DUSP14: variants seen among roughly 807,000 people sequenced by gnomAD.
The protein encoded by DUSP14 is dual specificity phosphatase 14.
In DUSP14, 5 loss-of-function variants were observed where a neutral mutation model predicts 13.2. That is an observed-to-expected ratio of 0.38 (90% CI 0.20 to 0.80). The LOEUF is 0.80. Among genes scored for constraint, DUSP14 ranks in the 30% least tolerant of loss-of-function variants. The pLI is 0.44. For missense variants in DUSP14, 185 were observed against 264.0 expected, an observed-to-expected ratio of 0.70 and a Z score of 2.07; for synonymous variants, 91 against 103.4, an observed-to-expected ratio of 0.88 and a Z score of 0.73.
At chr17:37,489,318 C>T (rs1228871962), upstream of DUSP14, among the ~76,000 whole-genome samples, 6 of 152,056 alleles carry the variant, frequency 3.9e-5, no homozygotes, top group Admixed American at 3.9e-4. Context: ...TGCATGTTCA[C>T]CTCCGGGTCT....
At chr17:37,498,690 T>TA (rs2054084141) in intron 1 of DUSP14, among the ~76,000 whole-genome samples, 1 of 151,582 alleles carries the variant, frequency 6.6e-6, no homozygotes, top group Non-Finnish European at 1.5e-5. Flanking sequence ...TTTTTTTTTT[T>TA]ACAAAAATTA....
In DUSP14 at chr17:37,509,139, A is replaced by ATATATATG. The variant is rs1568204473; in HGVS notation, c.-180-1538_-180-1537insTATATATG. Among the ~76,000 whole-genome samples, 31 of 63,048 alleles carry ATATATATG rather than the reference A, an allele frequency of 4.9e-4. 2 individuals carry two copies. The highest frequency in any genetic ancestry group is 4.2e-3 in the South Asian group (8 of 1,890). The allele number at this position is 63,048 out of a possible 152,430, so 41.4% of individuals were successfully genotyped here. On this transcript the variant is annotated intron_variant, in intron 1 of 2. Transcript: ENST00000617516. ...TATATATATATATATACACACACAC[A>ATATATATG]CACACACACACACACACACACACAC...
chr17:37,489,786 GT>G (rs1486286925), upstream of DUSP14: 5 of 146,086 alleles, frequency 3.4e-5, no homozygotes, highest in African/African-American at 7.4e-5. Context: ...CCCGCGTCGC[GT>G]CCCCCCACCT....
In DUSP14 at chr17:37,512,468, T is replaced by A; in HGVS notation, c.196T>A (p.Phe66Ile). 6.2e-7 allele frequency: 1 copy of A among 1,614,130 alleles called. No homozygotes were observed. The highest frequency in any genetic ancestry group is 1.1e-5 in the South Asian group (1 of 91,070). ...TAATGCTACCATTGAGATCCCTAAT[T>A]TCAACTGGCCCCAATTTGAGTATGT... is the stretch of plus-strand genomic sequence containing the variant. ...IVNATIEIPNFNWPQFEYVKV... is the reference protein window; with the variant it reads ...IVNATIEIPNINWPQFEYVKV... Residue 66 changes from phenylalanine (F) to isoleucine (I), a missense_variant, in exon 3 of 3, where the codon TTC becomes ATC. Phe to Ile is a conservative substitution (Grantham distance 21, BLOSUM62 0). Coordinates refer to ENST00000617516, the MANE Select transcript of DUSP14 (RefSeq NM_007026.4). This position sits in a 1 kb window ranked among gnomAD's most constrained non-coding sequence, Gnocchi z 4.8.
intron 1 of DUSP14, among the ~76,000 whole-genome samples, chr17:37,490,185 C>CG (rs2042301196): frequency 1.3e-5 from 2 of 150,496 alleles, no homozygotes; most frequent in African/African-American, 4.9e-5. Context: ...AGCGCACCCT[C>CG]GCCGGCCCTG....
At chr17:37,497,753 A>G (rs1457389108) in intron 1 of DUSP14, among the ~76,000 whole-genome samples, 1 of 151,558 alleles carries the variant, frequency 6.6e-6, no homozygotes, top group Non-Finnish European at 1.5e-5. Flanking sequence ...AAAAAAAAAA[A>G]AAAAGACAAG....
chr17:37,501,078 A>G (rs756690846), intron 1 of DUSP14, among the ~76,000 whole-genome samples: 7 of 152,116 alleles, frequency 4.6e-5, no homozygotes, highest in East Asian at 1.9e-4. Flanking sequence ...CTAATTTTCA[A>G]TGTAGAGTCT....
At chr17:37,500,067 G>A (rs1240533434) in intron 1 of DUSP14, among the ~76,000 whole-genome samples, 1 of 152,224 alleles carries the variant, frequency 6.6e-6, no homozygotes, top group Non-Finnish European at 1.5e-5. Flanking sequence ...AGCGGGCATG[G>A]CCTTCGCCAG....
chr17:37,507,774 C>G (rs185287843), intron 1 of DUSP14, among the ~76,000 whole-genome samples: 1 of 152,246 alleles, frequency 6.6e-6, no homozygotes, highest in East Asian at 1.9e-4. Flanking sequence ...ACTAGATAAC[C>G]TACTTGGAAA....
At chr17:37,490,260 C>T (rs551378423) in intron 1 of DUSP14, among the ~76,000 whole-genome samples, 44 of 152,122 alleles carry the variant, frequency 2.9e-4, no homozygotes, top group African/African-American at 1.0e-3. Context: ...CCCTGTGCCC[C>T]GGGGCTCCAG....
upstream of DUSP14, among the ~76,000 whole-genome samples, chr17:37,488,816 T>C (rs1447376959): frequency 1.3e-5 from 2 of 152,188 alleles, no homozygotes; most frequent in Admixed American, 6.5e-5. Flanking sequence ...AAGCTTTTGG[T>C]TGAGGACATC....
At chr17:37,499,551 C>T (rs1002282292) in intron 1 of DUSP14, among the ~76,000 whole-genome samples, 3 of 151,646 alleles carry the variant, frequency 2.0e-5, no homozygotes, top group Non-Finnish European at 4.4e-5. Flanking sequence ...TTTTTTGAGA[C>T]AGAGTTTCGC....
Position 37,509,243 on chromosome 17 carries a change from CTATATATATATATATATATATATATA to C in DUSP14, c.-180-1405_-180-1380del, listed in dbSNP as rs71135736. On this transcript the variant is annotated intron_variant, in intron 1 of 2. Transcript: ENST00000617516. ...ACTATATATACACACTATATACACACTATATATATATATATATATATATATATATATATATATATATATATATATAT... is the reference window on the plus strand; with the variant it reads ...ACTATATATACACACTATATACACACTATATATATATATATATATATATAT... Among the ~76,000 whole-genome samples, 74 of 44,744 alleles carry C rather than the reference CTATATATATATATATATATATATATA, an allele frequency of 1.7e-3. 1 individual carries two copies. Among genetic ancestry groups the C allele is most frequent in the Admixed American group, 3.2e-3 (10 of 3,120 alleles). The allele number at this position is 44,744 out of a possible 152,430, so 29.4% of individuals were successfully genotyped here.
intron 1 of DUSP14, among the ~76,000 whole-genome samples, chr17:37,498,548 G>C (rs191877679): frequency 2.0e-5 from 3 of 151,694 alleles, no homozygotes; most frequent in Admixed American, 2.0e-4. Flanking sequence ...GGATGGTCTC[G>C]ATCTCCTGAC....
rs1568204456 is a variant in DUSP14, at chr17:37,509,135, A to ATATATATATATATG, written c.-180-1542_-180-1541insTATATATATATATG. 6.9e-4 allele frequency among the ~76,000 whole-genome samples: 27 copies of ATATATATATATATG among 38,954 alleles called. 2 individuals are homozygous for ATATATATATATATG. In the South Asian group the frequency reaches 7.4e-3, roughly 11 times the overall value. 25.6% of individuals were successfully genotyped at this position (38,954 alleles called of 152,430 possible). On this transcript the variant is annotated intron_variant, in intron 1 of 2. Transcript: ENST00000617516. ...TATATATATATATATATATACACAC[A>ATATATATATATATG]CACACACACACACACACACACACAC... is the stretch of plus-strand genomic sequence containing the variant.
intron 1 of DUSP14, among the ~76,000 whole-genome samples, chr17:37,503,331 T>TG (rs2054117312): frequency 6.6e-6 from 1 of 152,058 alleles, no homozygotes; most frequent in Non-Finnish European, 1.5e-5. Context: ...GAGGCTGAGG[T>TG]GGGAGGATCA....
At chr17:37,494,621 GAGA>G (rs2054051524) in intron 1 of DUSP14, among the ~76,000 whole-genome samples, 2 of 152,204 alleles carry the variant, frequency 1.3e-5, no homozygotes, top group African/African-American at 2.4e-5. Context: ...ATGTGAGAAA[GAGA>G]AGGAGCAGGA....
intron 1 of DUSP14, among the ~76,000 whole-genome samples, chr17:37,504,143 G>T (rs752656558): frequency 4.6e-5 from 7 of 152,048 alleles, no homozygotes; most frequent in African/African-American, 4.8e-5. Context: ...GCGGTGAGCC[G>T]AGATCTCATC....
chr17:37,491,412 G>C (rs1012620506), intron 1 of DUSP14: 1 of 152,294 alleles, frequency 6.6e-6, no homozygotes, highest in Non-Finnish European at 1.5e-5. Context: ...GTAGGAAGGA[G>C]CCCTGCACAG....
Sources: gnomAD v4.1 joint callset for allele counts (sites outside exome capture counted in the v4.1 genomes callset) on GRCh38, gnomAD v4.1.1 for gene constraint, Gnocchi (gnomAD v3.1) non-coding constraint, MANE v1.5 for transcripts, NCBI Gene and HGNC (gene_info 2026-07-23, HGNC 2026-07-21) for gene names.